The following LRP1B variants were observed in gnomAD, a reference collection of about 807,000 sequenced individuals.
LRP1B encodes LDL receptor related protein 1B, also known as low-density lipoprotein receptor-related protein 1B.
A neutral mutation model predicts 556.6 loss-of-function variants in LRP1B; 217 were observed. The observed-to-expected ratio is 0.39, with a 90% CI of 0.35 to 0.44. LRP1B has a LOEUF of 0.44. Ranked by LOEUF, LRP1B falls within the 20% of genes least tolerant of loss-of-function variation. The probability of loss-of-function intolerance (pLI) is 1.00; values close to 1 mark genes in which losing one functional copy is unlikely to be tolerated. For synonymous variants in LRP1B, 2,047 were observed against 1,865.8 expected (o/e 1.10, Z -2.50); for missense variants, 5,053 against 5,620.8 (o/e 0.90, Z 3.23).
intron 3 of LRP1B, among the ~76,000 whole-genome samples, chr2:141,439,644 T>C (rs1680886551): frequency 6.6e-6 from 1 of 152,054 alleles, no homozygotes; most frequent in African/African-American, 2.4e-5. Context: ...ACAATGTAGG[T>C]AGAGTTAATC....
At chr2:141,580,426 A>G (rs1480506058) in intron 2 of LRP1B, among the ~76,000 whole-genome samples, 1 of 152,220 alleles carries the variant, frequency 6.6e-6, no homozygotes, top group African/African-American at 2.4e-5. Context: ...AATTTGATCA[A>G]CTTAATAAGC....
In LRP1B at chr2:140,232,369, A is replaced by G. The variant is rs931795664; in HGVS notation, c.*817T>C. The G allele has an allele frequency of 6.6e-5, 10 of 151,488 alleles. No individual in the cohort carries two copies. Among genetic ancestry groups the G allele is most frequent in the African/African-American group, 2.2e-4 (9 of 41,304 alleles). The allele number at this position is 151,488 out of a possible 1,614,324, so 9.4% of individuals were successfully genotyped here. A position where few individuals can be genotyped will look rare whatever the true frequency, so the allele number is the denominator to read the frequency against. ...GAAATACCTAAGATGCAAGTACCCA[A>G]TGCCCTGTTGTGCTCTAGGCTGGCT... On this transcript the variant is annotated 3_prime_UTR_variant, in exon 91 of 91. Coordinates refer to ENST00000389484, the MANE Select transcript of LRP1B (RefSeq NM_018557.3).
At chr2:141,853,533 G>A (rs984390983) in intron 1 of LRP1B, among the ~76,000 whole-genome samples, 4 of 151,144 alleles carry the variant, frequency 2.6e-5, no homozygotes, top group African/African-American at 4.8e-5. Flanking sequence ...ATGTTGTCTC[G>A]GTATTGTTAT....
intron 41 of LRP1B, among the ~76,000 whole-genome samples, chr2:140,668,586 C>T (rs1036396324): frequency 2.0e-5 from 3 of 151,882 alleles, no homozygotes; most frequent in African/African-American, 2.4e-5. Context: ...GACCTGCTAT[C>T]GTTCATATAA....
At chr2:141,831,459 C>T (rs1697109236) in intron 1 of LRP1B, among the ~76,000 whole-genome samples, 1 of 151,582 alleles carries the variant, frequency 6.6e-6, no homozygotes, top group Non-Finnish European at 1.5e-5. Context: ...TCTGTTCTCA[C>T]AATTCAAATC....
chr2:141,001,470 G>A (rs956358000), intron 15 of LRP1B, among the ~76,000 whole-genome samples: 12 of 151,920 alleles, frequency 7.9e-5, no homozygotes, highest in African/African-American at 2.2e-4. Context: ...TCCCTCCTCC[G>A]TCCCCCACCT....
intron 7 of LRP1B, among the ~76,000 whole-genome samples, chr2:141,145,922 C>CTTTTTTTTTTTTT (rs70991144): frequency 4.5e-5 from 3 of 67,206 alleles, no homozygotes; most frequent in African/African-American, 1.3e-4. Context: ...TTCTTTCTTT[C>CTTTTTTTTTTTTT]TTTTTTTTTT....
rs115218767 is a variant in LRP1B at position 141,431,482 on chromosome 2, C to G, written c.343+48914G>C. ...AGATTCTCCCCTACAGTCCTTGCAACTGTATAAACATTTTTATCATCTGCT... is the reference window on the plus strand; with the variant it reads ...AGATTCTCCCCTACAGTCCTTGCAAGTGTATAAACATTTTTATCATCTGCT... On this transcript the variant is annotated intron_variant, in intron 3 of 90. Transcript: ENST00000389484. Among the ~76,000 whole-genome samples, 405 of 152,230 alleles carry G rather than the reference C, an allele frequency of 2.7e-3. 3 individuals carry two copies. The highest frequency in any genetic ancestry group is 9.2e-3 in the African/African-American group (382 of 41,532).
intron 1 of LRP1B, among the ~76,000 whole-genome samples, chr2:142,038,870 G>C (rs1201017887): frequency 2.0e-5 from 3 of 151,522 alleles, no homozygotes; most frequent in Non-Finnish European, 4.4e-5. Context: ...TAGTAGAAAA[G>C]ACTGGAGCGT....
At chr2:141,914,186 A>G (rs1699975088) in intron 1 of LRP1B, among the ~76,000 whole-genome samples, 2 of 152,238 alleles carry the variant, frequency 1.3e-5, no homozygotes, top group South Asian at 4.1e-4. Context: ...GGAATATACA[A>G]AATTGAAATT....
At chr2:140,501,559 C>T (rs148333539) in intron 55 of LRP1B, 128 bp downstream of exon 55, 166 of 537,112 alleles carry the variant, frequency 3.1e-4, no homozygotes, top group African/African-American at 2.9e-3. Context: ...TTCATATCGA[C>T]ACTCTCCATT....
chr2:140,573,211 C>A (rs1285041341), intron 43 of LRP1B, among the ~76,000 whole-genome samples: 1 of 151,846 alleles, frequency 6.6e-6, no homozygotes, highest in Non-Finnish European at 1.5e-5. Context: ...TCATTACATA[C>A]TGTATACATG....
rs532984310 is a variant in LRP1B, at chr2:141,405,137, A to G, written c.343+75259T>C. ...CAAAAACAAAACCATGAAGAACAGA[A>G]AGACTTTATTTTGTATTTATCAGAC... On this transcript the variant is annotated intron_variant, in intron 3 of 90. Coordinates refer to ENST00000389484, the MANE Select transcript of LRP1B (RefSeq NM_018557.3). Among the ~76,000 whole-genome samples, 75 of 152,162 alleles carry G rather than the reference A, an allele frequency of 4.9e-4. 1 individual carries two copies. The highest frequency in any genetic ancestry group is 9.2e-4 in the Admixed American group (14 of 15,260).
At chr2:142,059,098 TA>T (rs1388881822) in intron 1 of LRP1B, among the ~76,000 whole-genome samples, 1 of 152,102 alleles carries the variant, frequency 6.6e-6, no homozygotes, top group Non-Finnish European at 1.5e-5. Context: ...TTATTAATAC[TA>T]GGATTCACAG....
rs1340349971 is a variant in LRP1B at position 140,908,366 on chromosome 2, A to T, written c.3320-289T>A. The stretch of plus-strand genomic sequence containing the variant: ...ATATACATATATTTATATTTATATA[A>T]TATATATATATATATATATATATAT... On this transcript the variant is annotated intron_variant, in intron 21 of 90. Transcript: ENST00000389484. Among the ~76,000 whole-genome samples the T allele has an allele frequency of 8.3e-3, 7 of 846 alleles. No homozygotes were observed. In the South Asian group the frequency reaches 0.25, roughly 30 times the overall value. 0.6% of individuals were successfully genotyped at this position (846 alleles called of 152,430 possible).
chr2:141,210,262 C>T (rs1186742345), intron 6 of LRP1B, among the ~76,000 whole-genome samples: 2 of 150,064 alleles, frequency 1.3e-5, no homozygotes, highest in East Asian at 1.9e-4. Context: ...AAAAAAAATG[C>T]CCATGTTACC....
intron 1 of LRP1B, among the ~76,000 whole-genome samples, chr2:142,123,555 A>G (rs1707531187): frequency 2.0e-5 from 3 of 151,990 alleles, no homozygotes; most frequent in African/African-American, 7.2e-5. Context: ...AGGTGTATGC[A>G]ACTCAGGAAG....
chr2:141,475,940 A>T (rs949675260), intron 3 of LRP1B, among the ~76,000 whole-genome samples: 2 of 152,152 alleles, frequency 1.3e-5, no homozygotes, highest in Non-Finnish European at 2.9e-5. Flanking sequence ...CTTCCTGGAC[A>T]CCAGACAAGA....
chr2:140,873,378 G>A (rs1441890792), intron 25 of LRP1B, among the ~76,000 whole-genome samples: 1 of 152,076 alleles, frequency 6.6e-6, no homozygotes, highest in East Asian at 1.9e-4. Context: ...GCTTTAGGCA[G>A]TCTAGTCCAC....
Sources: allele counts gnomAD v4.1 joint callset (sites outside exome capture counted in the v4.1 genomes callset), GRCh38; gene constraint gnomAD v4.1.1; transcripts MANE v1.5; gene names NCBI Gene and HGNC (gene_info 2026-07-23, HGNC 2026-07-21).